KLF12: variants seen among roughly 807,000 people sequenced by gnomAD.
KLF12 encodes Krueppel-like factor 12.
In KLF12, 9 loss-of-function variants were observed where a neutral mutation model predicts 37.8. That is an observed-to-expected ratio of 0.24 (90% CI 0.14 to 0.42). The LOEUF is 0.42. Ranked by LOEUF, KLF12 falls within the 10% of genes least tolerant of loss-of-function variation. KLF12 has a pLI of 1.00. For synonymous variants in KLF12, 208 were observed against 202.1 expected (o/e 1.03, Z -0.25); for missense variants, 411 against 516.0 (o/e 0.80, Z 1.97).
chr13:73,895,554 G>T (rs1887722838), intron 3 of KLF12, among the ~76,000 whole-genome samples: 1 of 152,152 alleles, frequency 6.6e-6, no homozygotes, highest in African/African-American at 2.4e-5. Flanking sequence ...ATAGTGGGTG[G>T]TTAGTAATGT....
the KLF12 span, among the ~76,000 whole-genome samples, chr13:74,286,971 G>A: frequency 1.3e-5 from 2 of 152,168 alleles, no homozygotes; most frequent in African/African-American, 2.4e-5. Flanking sequence ...CCCTTTGAAG[G>A]AGAAAGCCTC....
chr13:74,014,763 T>C (rs931077141), intron 1 of KLF12, among the ~76,000 whole-genome samples: 31 of 152,228 alleles, frequency 2.0e-4, no homozygotes, highest in African/African-American at 6.8e-4. Context: ...TCTCCGTCTG[T>C]AAAGGGCTTT....
chr13:73,926,987 T>A (rs1355335252), intron 3 of KLF12, among the ~76,000 whole-genome samples: 1 of 150,154 alleles, frequency 6.7e-6, no homozygotes, highest in Non-Finnish European at 1.5e-5. Context: ...CCCAAAGTGT[T>A]AACATGGAAT....
intron 1 of KLF12, among the ~76,000 whole-genome samples, chr13:74,131,852 C>T (rs1878274604): frequency 6.6e-6 from 1 of 151,930 alleles, no homozygotes; most frequent in Admixed American, 6.6e-5. Flanking sequence ...AAACTGCTTT[C>T]CTAATTTTTA....
intron 1 of KLF12, among the ~76,000 whole-genome samples, chr13:74,014,263 C>A (rs1892632271): frequency 6.6e-6 from 1 of 152,172 alleles, no homozygotes; most frequent in African/African-American, 2.4e-5. Context: ...GGATAGAGGA[C>A]ACCCCACTAC....
intron 1 of KLF12, among the ~76,000 whole-genome samples, chr13:74,099,942 T>C (rs1876225576): frequency 1.3e-5 from 2 of 152,158 alleles, no homozygotes; most frequent in African/African-American, 4.8e-5. Context: ...CATTCCTGTA[T>C]TTTGTGCCCA....
chr13:73,846,152 G>T lies in KLF12; in HGVS notation c.345C>A (p.Thr115=), dbSNP rs778513508. ...CTAGACGACTAGAAGACGATGAAGAGGTTGAAGTTGAAGAAGGTGAGGAGG... is the reference window on the plus strand; with the variant it reads ...CTAGACGACTAGAAGACGATGAAGATGTTGAAGTTGAAGAAGGTGAGGAGG... Residue 115 remains threonine, a synonymous_variant, in exon 4 of 8, where the codon ACC becomes ACA. Transcript: ENST00000377669. 1 of 1,613,978 alleles carries T rather than the reference G, an allele frequency of 6.2e-7. No homozygotes were observed. Among genetic ancestry groups the T allele is most frequent in the Non-Finnish European group, 8.5e-7 (1 of 1,179,992 alleles).
At chr13:73,862,904 G>A (rs867475806) in intron 3 of KLF12, among the ~76,000 whole-genome samples, 1 of 152,078 alleles carries the variant, frequency 6.6e-6, no homozygotes, top group Non-Finnish European at 1.5e-5. Context: ...AAGTAAATTA[G>A]CAAACTCACA....
chr13:74,301,142 T>A, the KLF12 span, among the ~76,000 whole-genome samples: 1 of 152,184 alleles, frequency 6.6e-6, no homozygotes, highest in Non-Finnish European at 1.5e-5. Flanking sequence ...TTATTTTATT[T>A]TATTTTTGTA....
intron 1 of KLF12, among the ~76,000 whole-genome samples, chr13:73,996,392 C>G (rs948070862): frequency 3.3e-5 from 5 of 152,162 alleles, no homozygotes; most frequent in African/African-American, 9.7e-5. Flanking sequence ...ATGTTTTGTC[C>G]TTTCTAGTCT....
chr13:74,164,224 A>G, the KLF12 span, among the ~76,000 whole-genome samples: 1 of 152,184 alleles, frequency 6.6e-6, no homozygotes, highest in East Asian at 1.9e-4. Flanking sequence ...CCAAGATAAA[A>G]TAAAAACATA....
the KLF12 span, among the ~76,000 whole-genome samples, chr13:74,263,771 C>T: frequency 1.3e-5 from 2 of 152,164 alleles, no homozygotes; most frequent in African/African-American, 4.8e-5. Context: ...TCTGTCTATC[C>T]CACCACCTCA....
chr13:73,938,354 G>A (rs9600189), intron 3 of KLF12, among the ~76,000 whole-genome samples: 5,408 of 152,026 alleles, frequency 0.036, 105 homozygotes, highest in East Asian at 0.073. Context: ...TATTTCCTGC[G>A]TTAAGTAAAC....
intron 7 of KLF12, among the ~76,000 whole-genome samples, chr13:73,704,730 G>A (rs964590058): frequency 2.0e-5 from 3 of 152,100 alleles, no homozygotes; most frequent in Non-Finnish European, 4.4e-5. Flanking sequence ...TTCACACCAC[G>A]CTGTGATTGA....
At chr13:74,097,738 A>G (rs897030554) in intron 1 of KLF12, among the ~76,000 whole-genome samples, 8 of 148,154 alleles carry the variant, frequency 5.4e-5, no homozygotes, top group Admixed American at 6.8e-5. Context: ...GTGTGTGTGT[A>G]TGTTCATGTG....
In KLF12 at chr13:74,064,444, G is replaced by A. The variant is rs560472031; in HGVS notation, c.-32+69295C>T. Among the ~76,000 whole-genome samples, 26 of 152,246 alleles carry A rather than the reference G, an allele frequency of 1.7e-4. No homozygotes were observed. In the South Asian group the frequency reaches 5.2e-3, roughly 30 times the overall value. ...AAGTCACATAACTTTAGCAAAATGA[G>A]ACATGGGTGGCTGCAATCGTTTTGT... is the stretch of plus-strand genomic sequence containing the variant. On this transcript the variant is annotated intron_variant, in intron 1 of 7. Transcript: ENST00000377669.
At chr13:74,085,413 T>C (rs140083897) in intron 1 of KLF12, among the ~76,000 whole-genome samples, 600 of 152,306 alleles carry the variant, frequency 3.9e-3, no homozygotes, top group Non-Finnish European at 6.5e-3. Context: ...AGCACCACCA[T>C]AAATGCCCTG....
At chr13:73,842,881 CT>C (rs1884813460) in intron 4 of KLF12, among the ~76,000 whole-genome samples, 1 of 152,114 alleles carries the variant, frequency 6.6e-6, no homozygotes, top group Non-Finnish European at 1.5e-5. Context: ...ATGCCCTTTC[CT>C]TTATTCATTC....
chr13:74,276,324 G>A, the KLF12 span, among the ~76,000 whole-genome samples: 1 of 152,076 alleles, frequency 6.6e-6, no homozygotes, highest in Non-Finnish European at 1.5e-5. Flanking sequence ...TGTTGTACAG[G>A]CTGATCTTCA....
Sources: allele counts gnomAD v4.1 joint callset (sites outside exome capture counted in the v4.1 genomes callset), GRCh38; gene constraint gnomAD v4.1.1; transcripts MANE v1.5; gene names NCBI Gene and HGNC (gene_info 2026-07-23, HGNC 2026-07-21).